TNIK: variants seen among roughly 807,000 people sequenced by gnomAD.
TNIK encodes TRAF2 and NCK interacting kinase.
A neutral mutation model predicts 191.3 loss-of-function variants in TNIK; 49 were observed. The observed-to-expected ratio is 0.26, with a 90% CI of 0.20 to 0.32. The LOEUF is 0.32. Among genes scored for constraint, TNIK ranks in the 10% least tolerant of loss-of-function variants. The pLI is 1.00. For missense variants in TNIK, 1,155 were observed against 1,702.3 expected (o/e 0.68, Z 5.66); for synonymous variants, 594 against 600.9 (o/e 0.99, Z 0.17).
chr3:171,120,241 T>C (rs368112915), intron 18 of TNIK, among the ~76,000 whole-genome samples: 3 of 152,002 alleles, frequency 2.0e-5, no homozygotes, highest in African/African-American at 7.2e-5. Context: ...GTAACTGGAG[T>C]TCATTACTAC....
intron 10 of TNIK, among the ~76,000 whole-genome samples, chr3:171,162,842 C>T (rs772371777): frequency 2.6e-5 from 4 of 152,088 alleles, no homozygotes; most frequent in Non-Finnish European, 5.9e-5. Context: ...AGAACTTTTC[C>T]AACTTAAAAA....
chr3:171,316,967 TTA>T (rs1162059803), intron 2 of TNIK, among the ~76,000 whole-genome samples: 1 of 138,618 alleles, frequency 7.2e-6, no homozygotes, highest in Non-Finnish European at 1.5e-5. Context: ...AAATATATAA[TTA>T]TATGATATAT....
chr3:171,121,896 ATC>A (rs1014941144), intron 18 of TNIK, among the ~76,000 whole-genome samples: 1 of 151,472 alleles, frequency 6.6e-6, no homozygotes, highest in Non-Finnish European at 1.5e-5. Flanking sequence ...CCCACCCCCA[ATC>A]TCTGTCTTTC....
intron 2 of TNIK, among the ~76,000 whole-genome samples, chr3:171,289,255 G>C (rs1751408029): frequency 6.6e-6 from 1 of 152,090 alleles, no homozygotes; most frequent in Non-Finnish European, 1.5e-5. Flanking sequence ...AACCTCTCTT[G>C]GCCTTTGAAA....
intron 5 of TNIK, among the ~76,000 whole-genome samples, chr3:171,194,088 T>C (rs977622880): frequency 5.3e-5 from 8 of 152,180 alleles, no homozygotes; most frequent in Admixed American, 2.0e-4. Flanking sequence ...CTTTATATGG[T>C]GGGAAGGTAT....
At chr3:171,301,829 C>A (rs1752917744) in intron 2 of TNIK, among the ~76,000 whole-genome samples, 1 of 152,100 alleles carries the variant, frequency 6.6e-6, no homozygotes, top group Admixed American at 6.5e-5. Flanking sequence ...GTGTCAAATT[C>A]CTTGGTATTT....
At chr3:171,191,173 T>C (rs771700726) in intron 5 of TNIK, among the ~76,000 whole-genome samples, 1 of 152,246 alleles carries the variant, frequency 6.6e-6, no homozygotes, top group African/African-American at 2.4e-5. Context: ...TACAGAAAAC[T>C]AACCTGATTT....
chr3:171,258,611 G>A (rs1168215304), intron 2 of TNIK, among the ~76,000 whole-genome samples: 1 of 152,116 alleles, frequency 6.6e-6, no homozygotes, highest in Non-Finnish European at 1.5e-5. Context: ...GTCAGGGTCA[G>A]CCAAGTTTCA....
chr3:171,275,087 C>T (rs1254707998), intron 2 of TNIK, among the ~76,000 whole-genome samples: 1 of 152,146 alleles, frequency 6.6e-6, no homozygotes, highest in Non-Finnish European at 1.5e-5. Context: ...TCCCTCTCCT[C>T]CTCTCCATCA....
chr3:171,313,830 C>T (rs938128463), intron 2 of TNIK, among the ~76,000 whole-genome samples: 1 of 152,114 alleles, frequency 6.6e-6, no homozygotes, highest in Admixed American at 6.5e-5. Flanking sequence ...CTTAAAGACA[C>T]ATCTTTCCTC....
chr3:171,408,929 G>T (rs1722054976), intron 1 of TNIK, among the ~76,000 whole-genome samples: 1 of 152,068 alleles, frequency 6.6e-6, no homozygotes, highest in African/African-American at 2.4e-5. Context: ...GCACATCAGG[G>T]AATAAGAGTA....
rs888148793 is a variant in TNIK, at chr3:171,366,548, A to G, written c.123+3072T>C. On this transcript the variant is annotated intron_variant, in intron 2 of 32. Transcript: ENST00000436636. The surrounding 1 kb of genome is among the most constrained non-coding windows in gnomAD (Gnocchi z 4.1). ...AGTATGTTTCTTTAAAACTACCTGT[A>G]AACAAAATTATATTATGACTCTCTT... Among the ~76,000 whole-genome samples, 1 of 152,124 alleles carries G rather than the reference A, an allele frequency of 6.6e-6. No individual in the cohort carries two copies. The highest frequency in any genetic ancestry group is 2.4e-5 in the African/African-American group (1 of 41,434).
At chr3:171,093,274 A>G (rs866631853) in intron 23 of TNIK, among the ~76,000 whole-genome samples, 1 of 152,216 alleles carries the variant, frequency 6.6e-6, no homozygotes, top group Admixed American at 6.5e-5. Flanking sequence ...AAATGAAATG[A>G]TGTTCCTAGA....
intron 15 of TNIK, among the ~76,000 whole-genome samples, chr3:171,129,784 C>G (rs1728998219): frequency 6.6e-6 from 1 of 152,168 alleles, no homozygotes; most frequent in Admixed American, 6.5e-5. Flanking sequence ...ACCTTTAGTA[C>G]ATATTTACAG....
At chr3:171,138,415 C>A in intron 14 of TNIK, 36 bp from the exon 15 acceptor site, 1 of 1,470,718 alleles carries the variant, frequency 6.8e-7, no homozygotes, top group Non-Finnish European at 9.0e-7. Context: ...AAGAAAAGGC[C>A]AAATTATCAC....
chr3:171,451,684 G>T (rs1728194489), intron 1 of TNIK, among the ~76,000 whole-genome samples: 1 of 152,180 alleles, frequency 6.6e-6, no homozygotes, highest in Admixed American at 6.5e-5. Flanking sequence ...AAATCAGTGT[G>T]GCTAGAGTGT....
At chr3:171,092,687 T>C (rs760101529) in intron 23 of TNIK, among the ~76,000 whole-genome samples, 2 of 152,234 alleles carry the variant, frequency 1.3e-5, no homozygotes, top group Non-Finnish European at 2.9e-5. Context: ...TTCTAGCAAG[T>C]TGCTTTGTGA....
chr3:171,273,083 C>A (rs1577318162), intron 2 of TNIK, among the ~76,000 whole-genome samples: 3 of 152,312 alleles, frequency 2.0e-5, no homozygotes, highest in Admixed American at 2.0e-4. Context: ...AAGTTAGAAG[C>A]CCAGGGGAGC....
chr3:171,250,809 A>G (rs1430069907), intron 2 of TNIK, among the ~76,000 whole-genome samples: 2 of 152,244 alleles, frequency 1.3e-5, no homozygotes, highest in Non-Finnish European at 2.9e-5. Flanking sequence ...TAAAAATGCT[A>G]CAAACTTCCA....
Sources: allele counts gnomAD v4.1 joint callset (sites outside exome capture counted in the v4.1 genomes callset), GRCh38; gene constraint gnomAD v4.1.1; non-coding constraint Gnocchi (gnomAD v3.1); transcripts MANE v1.5; gene names NCBI Gene and HGNC (gene_info 2026-07-23, HGNC 2026-07-21).